RTN4: variants seen among roughly 807,000 people sequenced by gnomAD.
RTN4 encodes reticulon 4.
Under a neutral mutation model 90.4 loss-of-function variants are expected in RTN4, and 32 were observed. The observed-to-expected ratio is 0.35, with a 90% confidence interval of 0.27 to 0.48. The LOEUF is 0.48. RTN4 is among the 20% of genes least tolerant of loss of function. The pLI is 0.99. For synonymous variants in RTN4, 629 were observed against 552.5 expected, an observed-to-expected ratio of 1.14 and a Z score of -1.94; for missense variants, 1,706 against 1,430.2, an observed-to-expected ratio of 1.19 and a Z score of -3.11.
chr2:55,105,108 A>G (rs530014526), intron 1 of RTN4, among the ~76,000 whole-genome samples: 10 of 151,164 alleles, frequency 6.6e-5, no homozygotes, highest in Admixed American at 4.6e-4. Context: ...GGCCCTGCTC[A>G]TTGTTTTCAT....
chr2:55,121,316 G>T, the RTN4 span, among the ~76,000 whole-genome samples: 1 of 152,202 alleles, frequency 6.6e-6, no homozygotes, highest in East Asian at 1.9e-4. Flanking sequence ...GAAGCTCAGG[G>T]AGCTATGAGT....
chr2:55,128,788 A>G, the RTN4 span, among the ~76,000 whole-genome samples: 5 of 152,080 alleles, frequency 3.3e-5, no homozygotes, highest in South Asian at 2.1e-4. Context: ...CTACAATTCA[A>G]TAAGAAAAAA....
chr2:55,058,850 G>A (rs1382141707), intron 2 of RTN4, among the ~76,000 whole-genome samples: 1 of 147,798 alleles, frequency 6.8e-6, no homozygotes, highest in Admixed American at 7.1e-5. Flanking sequence ...TTAAGTTTTG[G>A]CTTTCTTTTT....
upstream of RTN4, among the ~76,000 whole-genome samples, chr2:55,115,353 A>G (rs2105072044): frequency 6.6e-6 from 1 of 152,310 alleles, no homozygotes; most frequent in South Asian, 2.1e-4. Context: ...AGCCAGCAAT[A>G]GCTGGTTGAG....
intron 3 of RTN4, among the ~76,000 whole-genome samples, chr2:54,998,903 G>GTATAT (rs1245194043): frequency 6.6e-6 from 1 of 152,136 alleles, no homozygotes; most frequent in Non-Finnish European, 1.5e-5. Flanking sequence ...GGTTCCTCAA[G>GTATAT]TCTCCTTCTA....
At chr2:54,981,371 C>G (rs1346266087) in intron 5 of RTN4, among the ~76,000 whole-genome samples, 1 of 151,858 alleles carries the variant, frequency 6.6e-6, no homozygotes, top group Non-Finnish European at 1.5e-5. Context: ...GCCCAGTCAC[C>G]TTATTACTAC....
chr2:55,026,041 A>G lies in RTN4; in HGVS notation c.2058T>C (p.Ala686=), dbSNP rs575442256. 15 of 1,611,298 alleles carry G rather than the reference A, an allele frequency of 9.3e-6. 1 individual carries two copies. The South Asian group carries it at 1.7e-4, about 18-fold the overall frequency. Residue 686 remains alanine (A), a synonymous_variant, in exon 3 of 9, where the codon GCT becomes GCC. Transcript: ENST00000337526. ...EIKEPENINA[A]LQETEAPYIS... ...TATAAGGAGCTTCTGTTTCTTGAAG[A>G]GCTGCATTAATATTTTCAGGCTCTT...
intron 1 of RTN4, among the ~76,000 whole-genome samples, chr2:55,087,209 T>C (rs533220566): frequency 6.6e-6 from 1 of 152,326 alleles, no homozygotes; most frequent in African/African-American, 2.4e-5. Flanking sequence ...CATCTATGTA[T>C]GTGTTTCTGT....
chr2:54,985,075 A>AT (rs1678442643), intron 4 of RTN4, among the ~76,000 whole-genome samples: 1 of 145,468 alleles, frequency 6.9e-6, no homozygotes, highest in Non-Finnish European at 1.5e-5. Context: ...GCTTGACAAT[A>AT]TTTTTACATA....
At chr2:54,973,534 T>G (rs372412860) in intron 8 of RTN4, 29 bp downstream of exon 8, 55 of 1,541,990 alleles carry the variant, frequency 3.6e-5, no homozygotes, top group Non-Finnish European at 4.6e-5. Context: ...CTTATCCTAG[T>G]AAAAACACTG....
intron 1 of RTN4, among the ~76,000 whole-genome samples, chr2:55,047,283 T>C (rs889101941): frequency 9.9e-5 from 15 of 151,086 alleles, no homozygotes; most frequent in African/African-American, 3.7e-4. Context: ...TGAGCCAAGA[T>C]TGCGTCATTG....
chr2:55,089,614 C>T (rs1376291926), intron 1 of RTN4, among the ~76,000 whole-genome samples: 3 of 152,264 alleles, frequency 2.0e-5, no homozygotes, highest in Non-Finnish European at 4.4e-5. Flanking sequence ...CCTGCTCCAA[C>T]TAAGTGAATG....
Position 54,991,356 on chromosome 2 carries a change from A to G in RTN4, c.3014-3658T>C, listed in dbSNP as rs754659998. Among the ~76,000 whole-genome samples the G allele has an allele frequency of 3.2e-4, 48 of 152,238 alleles. 1 individual carries two copies. Among genetic ancestry groups the G allele is most frequent in the Non-Finnish European group, 6.3e-4 (43 of 68,044 alleles). ...ACAGAGTTACTGTTTAAACAGGTGT[A>G]GTGACTATATATGAATTATTTATAA... On this transcript the variant is annotated intron_variant, in intron 3 of 8. Transcript: ENST00000337526.
At chr2:55,052,315 A>G (rs1031933928), upstream of RTN4, among the ~76,000 whole-genome samples, 44 of 152,228 alleles carry the variant, frequency 2.9e-4, no homozygotes, top group Non-Finnish European at 5.9e-4. Flanking sequence ...AGGGGGCAGG[A>G]GTGAGAGTGT....
At chr2:55,061,358 T>G (rs368519016) in intron 2 of RTN4, among the ~76,000 whole-genome samples, 47 of 152,228 alleles carry the variant, frequency 3.1e-4, no homozygotes, top group African/African-American at 1.1e-3. Flanking sequence ...GCCACCAAGT[T>G]TTCCTACATA....
rs548357723 is a variant in RTN4 at position 55,019,778 on chromosome 2, C to T, written c.3013+5308G>A. On this transcript the variant is annotated intron_variant, in intron 3 of 8. Transcript: ENST00000337526. ...ATCCAAATTAGAAAAGAGGAAGTCACATTGTCCCTGTTTGCAGATGACATG... is the reference window on the plus strand; with the variant it reads ...ATCCAAATTAGAAAAGAGGAAGTCATATTGTCCCTGTTTGCAGATGACATG... Among the ~76,000 whole-genome samples the T allele has an allele frequency of 2.0e-5, 3 of 152,238 alleles. No individual in the cohort carries two copies. In the East Asian group the frequency reaches 5.8e-4, roughly 29 times the overall value.
chr2:55,101,168 T>C (rs1312081553), intron 1 of RTN4, among the ~76,000 whole-genome samples: 3 of 152,086 alleles, frequency 2.0e-5, no homozygotes, highest in Non-Finnish European at 4.4e-5. Context: ...GGCATATGCA[T>C]AGAAAAAAAT....
chr2:55,131,021 A>C, the RTN4 span, among the ~76,000 whole-genome samples: 2 of 152,124 alleles, frequency 1.3e-5, no homozygotes, highest in African/African-American at 4.8e-5. Flanking sequence ...ACAAAGGAAA[A>C]ACAAGCACTT....
chr2:54,998,122 G>A (rs1679575573), intron 3 of RTN4, among the ~76,000 whole-genome samples: 1 of 151,858 alleles, frequency 6.6e-6, no homozygotes, highest in Non-Finnish European at 1.5e-5. Context: ...TATATGAAGT[G>A]CCTTGAATAT....
Sources: allele counts gnomAD v4.1 joint callset (sites outside exome capture counted in the v4.1 genomes callset), GRCh38; gene constraint gnomAD v4.1.1; transcripts MANE v1.5; gene names NCBI Gene and HGNC (gene_info 2026-07-23, HGNC 2026-07-21).